Variants in LRP2 observed in about 807,000 individuals in gnomAD.
The protein encoded by LRP2 is LDL receptor related protein 2, also known as low-density lipoprotein receptor-related protein 2.
Under a neutral mutation model 531.0 loss-of-function variants are expected in LRP2, and 172 were observed. That is an observed-to-expected ratio of 0.32 (90% CI 0.29 to 0.37). The LOEUF is 0.37. Ranked by LOEUF, LRP2 falls within the 10% of genes least tolerant of loss-of-function variation. LRP2 has a pLI of 1.00. For synonymous variants in LRP2, 1,992 were observed against 2,027.6 expected (o/e 0.98, Z 0.47); for missense variants, 5,167 against 5,868.3 (o/e 0.88, Z 3.90).
chr2:169,267,058 T>C (rs930454517), intron 16 of LRP2, among the ~76,000 whole-genome samples: 1 of 151,764 alleles, frequency 6.6e-6, no homozygotes, highest in Non-Finnish European at 1.5e-5. Flanking sequence ...TGGCTAATTT[T>C]TTTCTTTTTT....
intron 1 of LRP2, among the ~76,000 whole-genome samples, chr2:169,323,469 T>C (rs1380473354): frequency 6.6e-6 from 1 of 152,104 alleles, no homozygotes; most frequent in Non-Finnish European, 1.5e-5. Context: ...AGTGAAAAGG[T>C]CTAGATTAGG....
At chr2:169,337,221 A>C (rs1005567419) in intron 1 of LRP2, among the ~76,000 whole-genome samples, 2 of 152,222 alleles carry the variant, frequency 1.3e-5, no homozygotes, top group African/African-American at 4.8e-5. Context: ...CACTTTCAGC[A>C]GAAAACAGAA....
intron 36 of LRP2, 51 bp from the exon 37 acceptor site, chr2:169,212,258 C>T: frequency 6.2e-7 from 1 of 1,612,844 alleles, no homozygotes; most frequent in South Asian, 1.1e-5. Flanking sequence ...CTACTCGCCA[C>T]CCCATCTCAA....
chr2:169,132,366 T>TAA (rs1685324504), intron 77 of LRP2, among the ~76,000 whole-genome samples: 1 of 152,244 alleles, frequency 6.6e-6, no homozygotes, highest in Admixed American at 6.5e-5. Context: ...AGGAACATTA[T>TAA]TCCCAACTCG....
At chr2:169,331,776 C>T (rs1685276903) in intron 1 of LRP2, among the ~76,000 whole-genome samples, 1 of 152,202 alleles carries the variant, frequency 6.6e-6, no homozygotes, top group South Asian at 2.1e-4. Flanking sequence ...GCAAAAACTA[C>T]AAATCATTCC....
intron 45 of LRP2, among the ~76,000 whole-genome samples, chr2:169,198,275 A>G (rs62172607): frequency 0.43 from 65,160 of 151,808 alleles, 16,185 homozygotes; most frequent in African/African-American, 0.69. Context: ...TTAGCTGGGC[A>G]TGGTGTCACA....
At chr2:169,324,481 T>C (rs1684989837) in intron 1 of LRP2, among the ~76,000 whole-genome samples, 1 of 152,106 alleles carries the variant, frequency 6.6e-6, no homozygotes, top group African/African-American at 2.4e-5. Context: ...GTGACTAACA[T>C]AGCATTAAAA....
At chr2:169,160,685 A>AAAAAAAAAAAAAC (rs970862922) in intron 63 of LRP2, among the ~76,000 whole-genome samples, 1 of 94,278 alleles carries the variant, frequency 1.1e-5, no homozygotes, top group Non-Finnish European at 2.2e-5. Flanking sequence ...ATTTCCTTAA[A>AAAAAAAAAAAAAC]AAAAAAAAAA....
At chr2:169,298,086 T>C (rs1185625783) in intron 4 of LRP2, among the ~76,000 whole-genome samples, 2 of 152,076 alleles carry the variant, frequency 1.3e-5, no homozygotes, top group Non-Finnish European at 2.9e-5. Flanking sequence ...TTATTTCCTC[T>C]GGCTCCAAGA....
rs139349196 is a variant in LRP2, at chr2:169,139,599, C to T, written c.13211G>A (p.Gly4404Asp). ...TDLPKCKCPS[G>D]YTGKYCEMAF... ...CATTTCACAATATTTTCCGGTGTAG[C>T]CGCTAGGACACCTGAAAGGAAAAAG... The change falls in exon 73 of 79, where the codon GGC becomes GAC. Residue 4404 changes from glycine (G) to aspartate (D), a missense_variant. By Grantham distance (94) the Gly-to-Asp change is moderately conservative. Around this residue, in one of 6 missense-constraint regions of LRP2, gnomAD observed 348 missense variants for 369.3 expected, o/e 0.94. Transcript: ENST00000649046. 1 of 1,614,128 alleles carries T rather than the reference C, an allele frequency of 6.2e-7. No homozygotes were observed.
chr2:169,191,802 T>C, intron 48 of LRP2, 30 bp downstream of exon 48: 1 of 1,601,606 alleles, frequency 6.2e-7, no homozygotes, highest in Non-Finnish European at 8.6e-7. Flanking sequence ...ATTTGAGGCA[T>C]GCTGGGTAAC....
intron 55 of LRP2, 31 bp downstream of exon 55, chr2:169,175,162 G>A (rs17848187): frequency 3.4e-5 from 54 of 1,605,994 alleles, no homozygotes; most frequent in East Asian, 1.3e-4. Flanking sequence ...CATAGAAGTC[G>A]GAAAAAGAGG....
chr2:169,182,292 C>T lies in LRP2; in HGVS notation c.9873G>A (p.Leu3291=). ...SRKLYWLDAR[L]DGLFVSDLNG... ...TGAGGTCAGAGACAAAGAGGCCATC[C>T]AGGCGGGCATCCAACCAGTAGAGCT... is the stretch of plus-strand genomic sequence containing the variant. Residue 3291 remains leucine (L), a synonymous_variant, in exon 51 of 79, where the codon CTG becomes CTA. Coordinates refer to ENST00000649046, the MANE Select transcript of LRP2 (RefSeq NM_004525.3). 1 of 1,613,968 alleles carries T rather than the reference C, an allele frequency of 6.2e-7. No individual in the cohort carries two copies. The highest frequency in any genetic ancestry group is 8.5e-7 in the Non-Finnish European group (1 of 1,179,936).
At chr2:169,303,947 C>T (rs1684347795) in intron 4 of LRP2, among the ~76,000 whole-genome samples, 2 of 152,058 alleles carry the variant, frequency 1.3e-5, no homozygotes, top group African/African-American at 2.4e-5. Flanking sequence ...AAAATTCCTG[C>T]CCAGATATAA....
At chr2:169,225,520 T>A in intron 32 of LRP2, 67 bp from the exon 33 acceptor site, 1 of 1,568,996 alleles carries the variant, frequency 6.4e-7, no homozygotes, top group South Asian at 1.1e-5. Context: ...AACCCTTTCT[T>A]CACTGTGGCT....
At chr2:169,272,015 A>G (rs1170937219) in intron 15 of LRP2, among the ~76,000 whole-genome samples, 1 of 152,140 alleles carries the variant, frequency 6.6e-6, no homozygotes, top group African/African-American at 2.4e-5. Flanking sequence ...ACAACGCACT[A>G]TTGATATAAT....
chr2:169,310,040 A>G (rs1684548509), intron 3 of LRP2, among the ~76,000 whole-genome samples: 1 of 152,162 alleles, frequency 6.6e-6, no homozygotes, highest in Non-Finnish European at 1.5e-5. Context: ...TTATTGGTAT[A>G]TAGGAATGCT....
intron 48 of LRP2, among the ~76,000 whole-genome samples, chr2:169,190,858 G>A (rs1370251576): frequency 1.3e-5 from 2 of 152,208 alleles, no homozygotes; most frequent in Admixed American, 1.3e-4. Context: ...AATCAGGATT[G>A]AAACTTACAA....
intron 37 of LRP2, among the ~76,000 whole-genome samples, chr2:169,211,318 T>A (rs1688584255): frequency 6.6e-6 from 1 of 152,168 alleles, no homozygotes. Flanking sequence ...AAACTCTTAG[T>A]TCCTCTTGTG....
Sources: allele counts gnomAD v4.1 joint callset (sites outside exome capture counted in the v4.1 genomes callset), GRCh38; gene constraint gnomAD v4.1.1; regional missense constraint gnomAD v4.1.1; transcripts MANE v1.5; gene names NCBI Gene and HGNC (gene_info 2026-07-23, HGNC 2026-07-21).